Variants in RBFOX1 observed in about 807,000 individuals in gnomAD.
RBFOX1 encodes the protein RNA binding fox-1 homolog 1, also known as RNA binding protein fox-1 homolog 1.
RBFOX1 carries 8 observed loss-of-function variants against 57.7 expected under a neutral mutation model. The ratio of observed to expected loss-of-function variants is 0.14; its 90% confidence interval spans 0.08 to 0.25. The LOEUF is 0.25. Ranked by LOEUF, RBFOX1 falls within the 10% of genes least tolerant of loss-of-function variation. The probability of loss-of-function intolerance (pLI) is 1.00; values close to 1 mark genes in which losing one functional copy is unlikely to be tolerated. For missense variants in RBFOX1, 611 were observed against 548.5 expected (o/e 1.11, Z -1.14); for synonymous variants, 326 against 222.4 (o/e 1.47, Z -4.15).
At chr16:6,393,957 C>G (rs1031010395) in intron 2 of RBFOX1, among the ~76,000 whole-genome samples, 2 of 152,182 alleles carry the variant, frequency 1.3e-5, no homozygotes, top group South Asian at 4.1e-4. Context: ...GAGAGGTAGG[C>G]TGTTCTTTTT....
chr16:7,512,268 G>A (rs895427042), intron 4 of RBFOX1, among the ~76,000 whole-genome samples: 1 of 152,282 alleles, frequency 6.6e-6, no homozygotes, highest in African/African-American at 2.4e-5. Flanking sequence ...CCTAGGATTT[G>A]CTGTGACCTG....
intron 3 of RBFOX1, among the ~76,000 whole-genome samples, chr16:7,018,224 A>G (rs968262544): frequency 6.6e-6 from 1 of 152,112 alleles, no homozygotes; most frequent in Non-Finnish European, 1.5e-5. Context: ...AGAAGGGGGC[A>G]TTCTCTACTG....
chr16:6,881,713 G>A (rs1464865513), intron 3 of RBFOX1, among the ~76,000 whole-genome samples: 3 of 152,110 alleles, frequency 2.0e-5, no homozygotes, highest in Admixed American at 6.5e-5. Context: ...TGAATTTGCG[G>A]GGACAATTTA....
intron 2 of RBFOX1, among the ~76,000 whole-genome samples, chr16:6,436,194 C>T (rs1404589706): frequency 6.6e-6 from 1 of 152,104 alleles, no homozygotes; most frequent in East Asian, 1.9e-4. Context: ...AATGTTATAC[C>T]TGCTTTAAGG....
intron 3 of RBFOX1, among the ~76,000 whole-genome samples, chr16:6,844,946 C>G (rs1004807433): frequency 2.6e-5 from 4 of 152,218 alleles, no homozygotes; most frequent in East Asian, 1.9e-4. Context: ...TGATACTAAG[C>G]TTTTTTCCTA....
intron 3 of RBFOX1, among the ~76,000 whole-genome samples, chr16:5,675,363 T>C (rs1255649226): frequency 6.6e-6 from 1 of 152,174 alleles, no homozygotes; most frequent in Non-Finnish European, 1.5e-5. Flanking sequence ...TGATCATTTC[T>C]AGACTTTGGG....
chr16:7,206,917 C>G (rs897710288), intron 4 of RBFOX1, among the ~76,000 whole-genome samples: 7 of 152,142 alleles, frequency 4.6e-5, no homozygotes, highest in African/African-American at 9.7e-5. Context: ...TTGCTTCTTA[C>G]AGCATGGTCT....
chr16:5,364,586 T>C (rs116514507), intron 1 of RBFOX1, among the ~76,000 whole-genome samples: 51 of 152,354 alleles, frequency 3.3e-4, no homozygotes, highest in African/African-American at 1.2e-3. Context: ...CCATTCTCTA[T>C]CTAAAAATCT....
intron 3 of RBFOX1, among the ~76,000 whole-genome samples, chr16:6,746,522 C>T (rs889994220): frequency 6.6e-6 from 1 of 151,820 alleles, no homozygotes; most frequent in Admixed American, 6.6e-5. Flanking sequence ...ACAAAAAATA[C>T]AAAAAATTGC....
intron 4 of RBFOX1, among the ~76,000 whole-genome samples, chr16:5,958,916 G>A (rs1385041165): frequency 2.6e-5 from 4 of 152,134 alleles, no homozygotes; most frequent in Non-Finnish European, 5.9e-5. Flanking sequence ...GATAGTCCAG[G>A]ATAACCTCCC....
In RBFOX1 at chr16:6,786,633, T is replaced by C. The variant is rs568773393; in HGVS notation, c.-16+131983T>C. On this transcript the variant is annotated intron_variant, in intron 3 of 15. Transcript: ENST00000550418. ...ATCCTTATGAAGGGGATGAGGAGAA[T>C]GGATGGTGCTCTGTGCGCATTTAGA... Among the ~76,000 whole-genome samples the C allele has an allele frequency of 5.9e-5, 9 of 152,242 alleles. No individual in the cohort carries two copies. In the East Asian group the frequency reaches 7.7e-4, roughly 13 times the overall value.
At chr16:6,049,897 GTGAT>G (rs1292859567) in intron 1 of RBFOX1, among the ~76,000 whole-genome samples, 1 of 150,866 alleles carries the variant, frequency 6.6e-6, no homozygotes, top group African/African-American at 2.4e-5. Context: ...GCAGTACACT[GTGAT>G]TGATTGATAT....
chr16:6,674,209 G>C (rs2098786163), intron 3 of RBFOX1, among the ~76,000 whole-genome samples: 2 of 152,122 alleles, frequency 1.3e-5, no homozygotes, highest in Non-Finnish European at 2.9e-5. Flanking sequence ...CCATACCTGT[G>C]AATGTAAATT....
intron 2 of RBFOX1, among the ~76,000 whole-genome samples, chr16:5,530,933 TAAAAAAAAAAAAAAAAAAAAAAAAAAAAA>T (rs59311923): frequency 1.8e-5 from 1 of 55,000 alleles, no homozygotes; most frequent in Non-Finnish European, 3.1e-5. Context: ...ACTAAAAATA[TAAAAAAAAAAAAAAAAAAAAAAAAAAAAA>T]AAAAAAAAAA....
chr16:5,631,359 C>A (rs111892146), intron 3 of RBFOX1, among the ~76,000 whole-genome samples: 6,217 of 152,196 alleles, frequency 0.041, 433 homozygotes, highest in African/African-American at 0.14. Context: ...GAGTTCAAGA[C>A]CAGCCTGGCC....
chr16:7,071,282 G>A (rs978738281), intron 4 of RBFOX1, among the ~76,000 whole-genome samples: 1 of 152,086 alleles, frequency 6.6e-6, no homozygotes, highest in Non-Finnish European at 1.5e-5. Context: ...CAAGGGCTGT[G>A]CATTCTGGTA....
intron 4 of RBFOX1, among the ~76,000 whole-genome samples, chr16:7,098,619 G>C (rs979615017): frequency 6.6e-6 from 1 of 152,068 alleles, no homozygotes. Flanking sequence ...AAATTCATTG[G>C]TTTCTTATGG....
intron 2 of RBFOX1, among the ~76,000 whole-genome samples, chr16:5,568,727 A>G (rs8054501): frequency 0.89 from 135,260 of 152,268 alleles, 60,172 homozygotes; most frequent in East Asian, 1. Context: ...GATTTGCCCC[A>G]CGATGGTCTT....
At chr16:6,946,933 T>C (rs2079650584) in intron 3 of RBFOX1, among the ~76,000 whole-genome samples, 1 of 152,168 alleles carries the variant, frequency 6.6e-6, no homozygotes, top group Non-Finnish European at 1.5e-5. Context: ...ACGTTGTTAT[T>C]TGGCTTTATG....
Sources: gnomAD v4.1 joint callset for allele counts (sites outside exome capture counted in the v4.1 genomes callset) on GRCh38, gnomAD v4.1.1 for gene constraint, MANE v1.5 for transcripts, NCBI Gene and HGNC (gene_info 2026-07-23, HGNC 2026-07-21) for gene names.